The following PLXND1 variants were observed in gnomAD, a reference collection of about 807,000 sequenced individuals.
PLXND1 encodes plexin D1, also known as plexin-D1.
A neutral mutation model predicts 197.7 loss-of-function variants in PLXND1; 54 were observed. That is an observed-to-expected ratio of 0.27 (90% CI 0.22 to 0.34). PLXND1 has a LOEUF of 0.34. Among genes scored for constraint, PLXND1 ranks in the 10% least tolerant of loss-of-function variants. PLXND1 has a pLI of 1.00. For synonymous variants in PLXND1, 1,180 were observed against 1,161.2 expected, an observed-to-expected ratio of 1.02 and a Z score of -0.33; for missense variants, 2,127 against 2,699.2, an observed-to-expected ratio of 0.79 and a Z score of 4.70.
At chr3:129,599,642 A>T (rs2085678400) in intron 1 of PLXND1, among the ~76,000 whole-genome samples, 1 of 152,208 alleles carries the variant, frequency 6.6e-6, no homozygotes, top group Non-Finnish European at 1.5e-5. Flanking sequence ...TGCAACTAGA[A>T]GTTCCTTGCC....
At chr3:129,587,222 C>T (rs2811461) in intron 2 of PLXND1, among the ~76,000 whole-genome samples, 3 of 152,040 alleles carry the variant, frequency 2.0e-5, no homozygotes, top group East Asian at 1.9e-4. Flanking sequence ...ATTCCTCCCC[C>T]CGACGCCCAT....
chr3:129,565,792 CA>C, intron 24 of PLXND1, 94 bp downstream of exon 24: 1 of 1,353,106 alleles, frequency 7.4e-7, no homozygotes, highest in Non-Finnish European at 1.0e-6. Context: ...ATGGGGGTGT[CA>C]AGAGCCCCAG....
chr3:129,556,553 T>A, intron 35 of PLXND1, 64 bp downstream of exon 35: 1 of 1,361,080 alleles, frequency 7.3e-7, no homozygotes, highest in Non-Finnish European at 1.1e-6. Flanking sequence ...CACCCTGAGA[T>A]GTGTGTCCTT....
chr3:129,579,461 G>A (rs1354236005), intron 8 of PLXND1, among the ~76,000 whole-genome samples: 1 of 152,142 alleles, frequency 6.6e-6, no homozygotes, highest in African/African-American at 2.4e-5. Context: ...ACCAGAGGCA[G>A]GGCTGTTCCC....
chr3:129,562,759 C>T (rs746080056), intron 27 of PLXND1, 28 bp downstream of exon 27: 14 of 1,575,186 alleles, frequency 8.9e-6, no homozygotes, highest in Admixed American at 1.7e-5. Context: ...GCGCCTGACA[C>T]GGGGTCTCTG....
Position 129,605,519 on chromosome 3 carries a change from C to G in PLXND1, c.1121G>C (p.Arg374Pro). The change falls in exon 1 of 36, where the codon CGG (arginine) becomes CCG (proline). Residue 374 changes from arginine (R) to proline (P), a missense_variant. Transcript: ENST00000324093. Reference sequence around the variant, plus strand: ...GCGGGCCGCGGGGGACCCCTGGGGCCGCTCGAAGACAGCAAAGAGCCGCTC... The same window carrying G: ...GCGGGCCGCGGGGGACCCCTGGGGCGGCTCGAAGACAGCAAAGAGCCGCTC... ...ARERLFAVFERPQGSPAARAA... is the reference protein window; with the variant it reads ...ARERLFAVFEPPQGSPAARAA... 6.6e-7 allele frequency: 1 copy of G among 1,513,200 alleles called. No homozygotes were observed. The highest frequency in any genetic ancestry group is 8.8e-7 in the Non-Finnish European group (1 of 1,137,494). 93.7% of individuals were successfully genotyped at this position (1,513,200 alleles called of 1,614,324 possible).
chr3:129,555,732 G>A lies in PLXND1; in HGVS notation c.*580C>T. On this transcript the variant is annotated 3_prime_UTR_variant, in exon 36 of 36. Transcript: ENST00000324093. ...GCCCACAGAGCACCCCATGGCGCGG[G>A]CACTGCCCACTCTACCAACAGCCGC... is the stretch of plus-strand genomic sequence containing the variant. The A allele has an allele frequency of 2.0e-6, 1 of 506,062 alleles. No individual in the cohort carries two copies. Among genetic ancestry groups the A allele is most frequent in the Non-Finnish European group, 3.4e-6 (1 of 290,872 alleles). The allele number at this position is 506,062 out of a possible 1,614,324, so 31.3% of individuals were successfully genotyped here.
chr3:129,583,816 G>C (rs2085419404), intron 7 of PLXND1, 147 bp from the exon 8 acceptor site: 2 of 627,830 alleles, frequency 3.2e-6, no homozygotes, highest in Non-Finnish European at 5.7e-6. Flanking sequence ...GGGTCTTTAA[G>C]GTAGTGAGCT....
chr3:129,606,283 G>T lies in PLXND1; in HGVS notation c.357C>A (p.Arg119=). The T allele has an allele frequency of 6.5e-7, 1 of 1,534,630 alleles. No homozygotes were observed. Residue 119 remains arginine (R), a synonymous_variant, in exon 1 of 36, where the codon CGC becomes CGA. Transcript: ENST00000324093. ...GGATCTTGTTGTAGTTGTCCGTGAG[G>T]CGCCGCGGGTGCTCGCACGAGGCCT... ...LPQASCEHPR[R]LTDNYNKILQ...
Position 129,605,638 on chromosome 3 carries a change from G to A in PLXND1, c.1002C>T (p.Leu334=), listed in dbSNP as rs1234602657. The change falls in exon 1 of 36, where the codon CTC becomes CTT. Residue 334 remains leucine, a synonymous_variant. Transcript: ENST00000324093. The stretch of plus-strand genomic sequence containing the variant: ...AGCCCAACTGGATGTAGGACTCGGT[G>A]AGCTTCTTGGCGTCGCCGCCGGCGC... ...PHGAGGDAKK[L]TESYIQLGLQ... The A allele has an allele frequency of 1.3e-6, 2 of 1,537,236 alleles. No homozygotes were observed. Among genetic ancestry groups the A allele is most frequent in the Non-Finnish European group, 1.7e-6 (2 of 1,145,420 alleles).
chr3:129,566,171 C>G (rs1205956706), intron 23 of PLXND1, 154 bp from the exon 24 acceptor site: 1 of 726,950 alleles, frequency 1.4e-6, no homozygotes. Flanking sequence ...TGACAGGGAA[C>G]AATAGCTTGG....
At position 129,571,438 on chromosome 3, in the gene PLXND1, G is replaced by A. The variant is rs1253921712; in HGVS notation, c.3336+71C>T. ...GGGGACAGAGATGCAGTGGGAGGAG[G>A]CCTGGTCAGTTAGGGCCCTGGCTGT... On this transcript the variant is annotated intron_variant, in intron 17 of 35. Transcript: ENST00000324093. 5.2e-6 allele frequency: 8 copies of A among 1,531,152 alleles called. No individual in the cohort carries two copies. In the Admixed American group the frequency reaches 1.0e-4, roughly 19 times the overall value. 94.8% of individuals were successfully genotyped at this position (1,531,152 alleles called of 1,614,324 possible).
rs1003266392 is a variant in PLXND1 at position 129,584,205 on chromosome 3, C to T, written c.2058G>A (p.Arg686=). ...QDHVTVEMSV[R]VNGRNIVKAN... ...CCTTGACGATGTTCCGCCCATTGAC[C>T]CTCACAGACATCTCAACAGTCACGT... is the stretch of plus-strand genomic sequence containing the variant. Residue 686 remains arginine, a synonymous_variant, in exon 7 of 36, where the codon AGG becomes AGA. Coordinates refer to ENST00000324093, the MANE Select transcript of PLXND1 (RefSeq NM_015103.3). 1.3e-6 allele frequency: 2 copies of T among 1,592,600 alleles called. No individual in the cohort carries two copies. Among genetic ancestry groups the T allele is most frequent in the African/African-American group, 2.7e-5 (2 of 74,804 alleles).
intron 25 of PLXND1, among the ~76,000 whole-genome samples, chr3:129,564,692 G>C (rs1220892208): frequency 6.6e-6 from 1 of 152,240 alleles, no homozygotes; most frequent in African/African-American, 2.4e-5. Context: ...GGAGGCCCTG[G>C]TTACCGGGCC....
At position 129,559,658 on chromosome 3, in the gene PLXND1, G is replaced by A; in HGVS notation, c.5259C>T (p.Ile1753=). Reference sequence around the variant, plus strand: ...AGATGTGTAGGGTGTCGGGGTCGGAGATTCCCCTCTTCTCAGCCTGCTCCT... The same window carrying A: ...AGATGTGTAGGGTGTCGGGGTCGGAAATTCCCCTCTTCTCAGCCTGCTCCT... ...FLEEQAEKRG[I]SDPDTLHIWK... The change falls in exon 32 of 36, where the codon ATC becomes ATT. Residue 1753 remains isoleucine, a synonymous_variant. Coordinates refer to ENST00000324093, the MANE Select transcript of PLXND1 (RefSeq NM_015103.3). 1 of 1,612,810 alleles carries A rather than the reference G, an allele frequency of 6.2e-7. No individual in the cohort carries two copies. Among genetic ancestry groups the A allele is most frequent in the Non-Finnish European group, 8.5e-7 (1 of 1,179,392 alleles).
chr3:129,574,660 C>T (rs2085286774), intron 11 of PLXND1, among the ~76,000 whole-genome samples, 170 bp from the exon 12 acceptor site: 6 of 152,236 alleles, frequency 3.9e-5, no homozygotes, highest in Admixed American at 3.9e-4. Context: ...GTTCTTAGCC[C>T]CTTCCCCAAA....
At position 129,605,434 on chromosome 3, in the gene PLXND1, A is replaced by G; in HGVS notation, c.1206T>C (p.Ala402=). The change falls in exon 1 of 36, where the codon GCT becomes GCC. Residue 402 remains alanine (A), a synonymous_variant. Transcript: ENST00000324093. ...RFADVRAAIR[A]ARTACFVEPA... The stretch of plus-strand genomic sequence containing the variant: ...GTTCCACGAAGCAGGCGGTGCGCGC[A>G]GCTCGGATGGCGGCTCGCACGTCGG... The G allele has an allele frequency of 6.7e-7, 1 of 1,503,162 alleles. No individual in the cohort carries two copies. The highest frequency in any genetic ancestry group is 1.5e-5 in the African/African-American group (1 of 68,780). The allele number at this position is 1,503,162 out of a possible 1,614,324, so 93.1% of individuals were successfully genotyped here.
chr3:129,571,778 A>C lies in PLXND1; in HGVS notation c.3144T>G (p.Cys1048Trp). The C allele has an allele frequency of 6.2e-7, 1 of 1,613,282 alleles. No individual in the cohort carries two copies. The highest frequency in any genetic ancestry group is 8.5e-7 in the Non-Finnish European group (1 of 1,179,898). Residue 1048 changes from cysteine (C) to tryptophan (W), a missense_variant, in exon 16 of 36, where the codon TGT becomes TGG. Around this residue, in one of 6 missense-constraint regions of PLXND1, gnomAD observed 1,095 missense variants for 1,259.8 expected, o/e 0.87. Transcript: ENST00000324093. ...CGCAGCCCCGACGCTCGAAGCGCAC[A>C]CACACAGGCACCGGAGCCGGCAGGG... is the stretch of plus-strand genomic sequence containing the variant. ...EGALPAPVPVCVRFERRGCVH... is the reference protein window; with the variant it reads ...EGALPAPVPVWVRFERRGCVH...
rs775773106 is a variant in PLXND1 at position 129,570,837 on chromosome 3, G to A, written c.3699C>T (p.His1233=). The change falls in exon 19 of 36, where the codon CAC becomes CAT. Residue 1233 remains histidine (H), a synonymous_variant. Coordinates refer to ENST00000324093, the MANE Select transcript of PLXND1 (RefSeq NM_015103.3). ...DIQIVSDRII[H]CSVNESLGAA... is the part of the protein sequence containing the mutation. Reference sequence around the variant, plus strand: ...CGCCCAGGGACTCGTTGACCGAGCAGTGGATGATTCTGTCAGAGACAATCT... The same window carrying A: ...CGCCCAGGGACTCGTTGACCGAGCAATGGATGATTCTGTCAGAGACAATCT... 66 of 1,614,122 alleles carry A rather than the reference G, an allele frequency of 4.1e-5. 1 individual carries two copies. In the East Asian group the frequency reaches 1.4e-3, roughly 34 times the overall value.
Sources: gnomAD v4.1 joint callset for allele counts (sites outside exome capture counted in the v4.1 genomes callset) on GRCh38, gnomAD v4.1.1 for gene constraint, gnomAD v4.1.1 regional missense constraint, MANE v1.5 for transcripts, NCBI Gene and HGNC (gene_info 2026-07-23, HGNC 2026-07-21) for gene names.